Variants in TENM3 observed in about 807,000 individuals in gnomAD.
TENM3 encodes teneurin-3.
In TENM3, 63 loss-of-function variants were observed where a neutral mutation model predicts 255.1. The observed-to-expected ratio is 0.25, with a 90% CI of 0.20 to 0.30. TENM3 has a LOEUF of 0.30. TENM3 is among the 10% of genes least tolerant of loss of function. The pLI is 1.00. For missense variants in TENM3, 2,929 were observed against 3,461.1 expected, an observed-to-expected ratio of 0.85 and a Z score of 3.86; for synonymous variants, 1,306 against 1,322.3, an observed-to-expected ratio of 0.99 and a Z score of 0.27.
At chr4:182,751,651 TTAAA>T (rs1329783482) in intron 19 of TENM3, 145 bp from the exon 20 acceptor site, 5 of 602,264 alleles carry the variant, frequency 8.3e-6, no homozygotes, top group Non-Finnish European at 1.5e-5. Context: ...TGAGTCATTA[TTAAA>T]TAGACAGTAC....
chr4:182,767,983 A>G (rs1763866148), intron 22 of TENM3, among the ~76,000 whole-genome samples: 1 of 152,168 alleles, frequency 6.6e-6, no homozygotes, highest in Non-Finnish European at 1.5e-5. Context: ...TGAAAATGAC[A>G]GAGGTGTGGG....
chr4:181,782,833 T>C, the TENM3 span, among the ~76,000 whole-genome samples: 2 of 152,212 alleles, frequency 1.3e-5, no homozygotes, highest in African/African-American at 2.4e-5. Context: ...TTTGTTCTCA[T>C]TGGTTTCAAA....
the TENM3 span, among the ~76,000 whole-genome samples, chr4:181,660,835 T>C: frequency 6.6e-6 from 1 of 152,212 alleles, no homozygotes; most frequent in African/African-American, 2.4e-5. Flanking sequence ...ATACAAAAGC[T>C]AATATTCAGT....
the TENM3 span, among the ~76,000 whole-genome samples, chr4:181,473,955 A>G: frequency 3.3e-5 from 5 of 151,090 alleles, no homozygotes; most frequent in Non-Finnish European, 1.5e-5. Flanking sequence ...GTGTATAAAA[A>G]TTACCATAGA....
At chr4:181,838,090 A>G in the TENM3 span, among the ~76,000 whole-genome samples, 1 of 151,832 alleles carries the variant, frequency 6.6e-6, no homozygotes, top group East Asian at 1.9e-4. Context: ...ATGAGCAGAG[A>G]TCGCGCCACT....
At chr4:182,089,914 A>T in the TENM3 span, among the ~76,000 whole-genome samples, 1 of 152,226 alleles carries the variant, frequency 6.6e-6, no homozygotes, top group Non-Finnish European at 1.5e-5. Flanking sequence ...GACATAGTTT[A>T]TTGCTTTGTA....
chr4:182,775,704 A>G (rs1000448908), intron 24 of TENM3, among the ~76,000 whole-genome samples: 3 of 152,172 alleles, frequency 2.0e-5, no homozygotes, highest in Admixed American at 1.3e-4. Context: ...CAGATGCAGG[A>G]CTTCATCAAA....
intron 4 of TENM3, among the ~76,000 whole-genome samples, chr4:182,615,065 ATG>A (rs1553999671): frequency 4.4e-4 from 53 of 119,694 alleles, no homozygotes; most frequent in South Asian, 1.4e-3. Context: ...ATATATATAT[ATG>A]TATTTTTTTT....
In TENM3 at chr4:182,731,930, T is replaced by C. The variant is rs907878876; in HGVS notation, c.2967+791T>C. Among the ~76,000 whole-genome samples, 40 of 151,974 alleles carry C rather than the reference T, an allele frequency of 2.6e-4. 1 individual carries two copies. The highest frequency in any genetic ancestry group is 4.6e-4 in the Admixed American group (7 of 15,264). On this transcript the variant is annotated intron_variant, in intron 16 of 27. Transcript: ENST00000511685. ...CTGAGTAGCTGAGACTACAGGCGACTGCCACCAAGCCAAGCTAATTTTTTG... is the reference window on the plus strand; with the variant it reads ...CTGAGTAGCTGAGACTACAGGCGACCGCCACCAAGCCAAGCTAATTTTTTG...
the TENM3 span, among the ~76,000 whole-genome samples, chr4:181,677,354 C>T: frequency 6.6e-6 from 1 of 152,104 alleles, no homozygotes; most frequent in Non-Finnish European, 1.5e-5. Context: ...TTCCTCCACC[C>T]CCTGCTCCTC....
At chr4:182,389,725 G>T (rs1378658990) in intron 3 of TENM3, among the ~76,000 whole-genome samples, 6 of 125,528 alleles carry the variant, frequency 4.8e-5, no homozygotes, top group East Asian at 2.4e-4. Flanking sequence ...TCGCTCTGTC[G>T]CCCAGGCTGG....
chr4:182,685,787 A>G (rs1756524466), intron 11 of TENM3, among the ~76,000 whole-genome samples: 1 of 152,092 alleles, frequency 6.6e-6, no homozygotes, highest in Non-Finnish European at 1.5e-5. Context: ...TCGGAAAGGA[A>G]CAAGCACAAT....
chr4:181,656,419 G>A, the TENM3 span, among the ~76,000 whole-genome samples: 3 of 152,202 alleles, frequency 2.0e-5, no homozygotes, highest in Non-Finnish European at 1.5e-5. Flanking sequence ...TTAGAAGACA[G>A]CAAAACTTGA....
Position 182,324,148 on chromosome 4 carries a change from C to G in TENM3, c.128C>G (p.Ser43Cys). The change falls in exon 2 of 28, where the codon TCC becomes TGC. Residue 43 changes from serine (S) to cysteine (C), a missense_variant. Around this residue, in one of 6 missense-constraint regions of TENM3, gnomAD observed 283 missense variants for 256.9 expected, o/e 1.10. Coordinates refer to ENST00000511685, the MANE Select transcript of TENM3 (RefSeq NM_001080477.4). ...CRVPTQKSYS[S>C]SETLKAFDHD... Reference sequence around the variant, plus strand: ...GTACCCACACAGAAGTCCTACAGTTCCAGCGAGACATTGAAAGCTTTTGAT... The same window carrying G: ...GTACCCACACAGAAGTCCTACAGTTGCAGCGAGACATTGAAAGCTTTTGAT... 1 of 1,614,008 alleles carries G rather than the reference C, an allele frequency of 6.2e-7. No homozygotes were observed. The highest frequency in any genetic ancestry group is 8.5e-7 in the Non-Finnish European group (1 of 1,179,878).
intron 1 of TENM3, among the ~76,000 whole-genome samples, chr4:182,286,390 C>T (rs1166501665): frequency 6.6e-6 from 1 of 152,206 alleles, no homozygotes; most frequent in African/African-American, 2.4e-5. Context: ...ATTGGAATGC[C>T]GTTCTCTACT....
At chr4:181,994,786 G>A in the TENM3 span, among the ~76,000 whole-genome samples, 3 of 152,044 alleles carry the variant, frequency 2.0e-5, no homozygotes, top group African/African-American at 7.2e-5. Flanking sequence ...AGAATGTTTA[G>A]CTAACGAAAA....
At chr4:182,073,717 A>G in the TENM3 span, among the ~76,000 whole-genome samples, 49 of 152,316 alleles carry the variant, frequency 3.2e-4, no homozygotes, top group African/African-American at 1.2e-3. Flanking sequence ...TTTCCACTTC[A>G]TCACACAGGT....
intron 3 of TENM3, among the ~76,000 whole-genome samples, chr4:182,542,124 G>A (rs1445276662): frequency 6.6e-6 from 1 of 152,130 alleles, no homozygotes; most frequent in Non-Finnish European, 1.5e-5. Context: ...CACCTACTTA[G>A]TTTGAAGGTT....
At chr4:182,148,962 C>T (rs1424835310) in intron 1 of TENM3, among the ~76,000 whole-genome samples, 2 of 151,882 alleles carry the variant, frequency 1.3e-5, no homozygotes, top group African/African-American at 2.4e-5. Context: ...AATATATCCA[C>T]AGTATATCCA....
Sources: allele counts gnomAD v4.1 joint callset (sites outside exome capture counted in the v4.1 genomes callset), GRCh38; gene constraint gnomAD v4.1.1; regional missense constraint gnomAD v4.1.1; transcripts MANE v1.5; gene names NCBI Gene and HGNC (gene_info 2026-07-23, HGNC 2026-07-21).